Variants in AKAP8 observed in about 807,000 individuals in gnomAD.
AKAP8 encodes the protein A-kinase anchoring protein 8.
AKAP8 carries 24 observed loss-of-function variants against 67.5 expected under a neutral mutation model. The observed-to-expected ratio is 0.36, with a 90% CI of 0.26 to 0.50. The LOEUF (loss-of-function observed/expected upper bound fraction) is 0.50. Among genes scored for constraint, AKAP8 ranks in the 20% least tolerant of loss-of-function variants. The probability of loss-of-function intolerance (pLI) is 0.97; values close to 1 mark genes in which losing one functional copy is unlikely to be tolerated. For synonymous variants in AKAP8, 400 were observed against 371.1 expected (o/e 1.08, Z -0.90); for missense variants, 971 against 955.9 (o/e 1.02, Z -0.21).
intron 7 of AKAP8, 124 bp downstream of exon 7, chr19:15,371,828 C>T (rs1432576887): frequency 9.2e-7 from 1 of 1,090,974 alleles, no homozygotes; most frequent in Non-Finnish European, 1.4e-6. Context: ...AAGTCAGGGT[C>T]CTGAATCCAC....
chr19:15,376,918 G>A (rs915269168), intron 2 of AKAP8, 58 bp downstream of exon 2: 11 of 1,580,074 alleles, frequency 7.0e-6, no homozygotes, highest in Admixed American at 3.6e-5. Context: ...GCTCTGCCAT[G>A]CTAGGGCCTT....
Position 15,368,340 on chromosome 19 carries a change from C to G in AKAP8, c.1073-18G>C. 1 of 1,613,266 alleles carries G rather than the reference C, an allele frequency of 6.2e-7. No individual in the cohort carries two copies. The highest frequency in any genetic ancestry group is 1.3e-5 in the African/African-American group (1 of 75,050). ...CTTCTCTCCTGTAACAGACAAGTCC[C>G]TTCGAGACGCTCTGAGTGGCCTGCA... On this transcript the variant is annotated intron_variant, in intron 8 of 13. Transcript: ENST00000269701.
In AKAP8 at chr19:15,360,908, A is replaced by G. The variant is rs1475427660; in HGVS notation, c.1467T>C (p.Pro489=). The stretch of plus-strand genomic sequence containing the variant: ...GCCGCTGGAGGAGCTGCGGCTGTGC[A>G]GGAATTAGCATGTCGCAGGCCAGGC... ...AHCLACDMLI[P]AQPQLLQRHL... The change falls in exon 12 of 14, where the codon CCT becomes CCC. Residue 489 remains proline (P), a synonymous_variant. Transcript: ENST00000269701. 4 of 1,613,636 alleles carry G rather than the reference A, an allele frequency of 2.5e-6. No homozygotes were observed. In the Admixed American group the frequency reaches 6.7e-5, roughly 27 times the overall value.
chr19:15,371,379 C>T (rs1967154937), intron 7 of AKAP8, among the ~76,000 whole-genome samples: 9 of 152,216 alleles, frequency 5.9e-5, no homozygotes, highest in Admixed American at 5.9e-4. Flanking sequence ...AATGAGCCTC[C>T]AGCCTGTGCT....
chr19:15,376,823 T>C (rs1475220744), intron 2 of AKAP8, among the ~76,000 whole-genome samples, 153 bp downstream of exon 2: 1 of 152,168 alleles, frequency 6.6e-6, no homozygotes. Context: ...GTGGAGCCCA[T>C]AAAGCCACAA....
At chr19:15,367,343 C>A (rs1967087258) in intron 9 of AKAP8, among the ~76,000 whole-genome samples, 1 of 152,154 alleles carries the variant, frequency 6.6e-6, no homozygotes, top group Non-Finnish European at 1.5e-5. Flanking sequence ...GCCTTGCCAA[C>A]ACGGTGAATC....
intron 8 of AKAP8, 134 bp downstream of exon 8, chr19:15,370,012 G>T: frequency 1.9e-6 from 2 of 1,046,368 alleles, no homozygotes; most frequent in Non-Finnish European, 2.9e-6. Flanking sequence ...AGGCCCATCT[G>T]GTGGCTGCAG....
rs200725356 is a variant in AKAP8 at position 15,362,267 on chromosome 19, A to G, written c.1161-16T>C. Reference sequence around the variant, plus strand: ...AAACTGAATTCTGTAGAAGGAAAACAAGGAGGGGAGTGAAGCAGGGAGCAT... The same window carrying G: ...AAACTGAATTCTGTAGAAGGAAAACGAGGAGGGGAGTGAAGCAGGGAGCAT... On this transcript the variant is annotated splice_polypyrimidine_tract_variant and intron_variant, in intron 9 of 13. Transcript: ENST00000269701. 17 of 1,613,716 alleles carry G rather than the reference A, an allele frequency of 1.1e-5. No homozygotes were observed. Among genetic ancestry groups the G allele is most frequent in the African/African-American group, 1.3e-5 (1 of 74,906 alleles).
intron 7 of AKAP8, among the ~76,000 whole-genome samples, chr19:15,370,657 A>C (rs1192607188): frequency 2.1e-5 from 2 of 93,262 alleles, no homozygotes; most frequent in African/African-American, 8.6e-5. Flanking sequence ...TTTGAGACGG[A>C]GTCTCGCCCT....
chr19:15,371,714 C>G (rs1196415506), intron 7 of AKAP8, among the ~76,000 whole-genome samples: 5 of 152,048 alleles, frequency 3.3e-5, no homozygotes, highest in Non-Finnish European at 7.4e-5. Context: ...GTCTCCAACT[C>G]TCGACCTCAA....
At chr19:15,372,137 C>A (rs937209924) in intron 6 of AKAP8, 81 bp downstream of exon 6, 6 of 1,608,664 alleles carry the variant, frequency 3.7e-6, no homozygotes, top group Non-Finnish European at 5.1e-6. Context: ...GTGTCCACGA[C>A]ACAGATGGGG....
rs1171532363 is a variant in AKAP8 at position 15,373,921 on chromosome 19, G to C, written c.236C>G (p.Ser79Cys). 5 of 1,613,772 alleles carry C rather than the reference G, an allele frequency of 3.1e-6. No individual in the cohort carries two copies. The highest frequency in any genetic ancestry group is 4.2e-6 in the Non-Finnish European group (5 of 1,179,968). Reference protein sequence around the residue: ...AAGAPAMHMASYGPEPCTDNS... With the variant: ...AAGAPAMHMACYGPEPCTDNS... Reference sequence around the variant, plus strand: ...GTCGGTGCATGGCTCTGGGCCGTAAGAGGCCATGTGCATGGCAGGGGCCCC... The same window carrying C: ...GTCGGTGCATGGCTCTGGGCCGTAACAGGCCATGTGCATGGCAGGGGCCCC... The change falls in exon 4 of 14, where the codon TCT becomes TGT. Residue 79 changes from serine (S) to cysteine (C), a missense_variant. Around this residue, in one of 3 missense-constraint regions of AKAP8, gnomAD observed 763 missense variants for 745.4 expected, o/e 1.02. Transcript: ENST00000269701.
At position 15,355,410 on chromosome 19, in the gene AKAP8, G is replaced by C. The variant is rs377642478; in HGVS notation, c.1624-40C>G. 347 of 1,556,158 alleles carry C rather than the reference G, an allele frequency of 2.2e-4. 1 individual carries two copies. Among genetic ancestry groups the C allele is most frequent in the Non-Finnish European group, 1.3e-4 (153 of 1,147,788 alleles). On this transcript the variant is annotated intron_variant, in intron 13 of 13. Coordinates refer to ENST00000269701, the MANE Select transcript of AKAP8 (RefSeq NM_005858.4). ...AACACCGGTCAGCGTGGTGTAAGCA[G>C]AGCTCAGGAGGCCCATGATTGCGGG...
intron 7 of AKAP8, among the ~76,000 whole-genome samples, chr19:15,371,082 A>G (rs1245794286): frequency 6.6e-6 from 1 of 152,208 alleles, no homozygotes; most frequent in East Asian, 1.9e-4. Context: ...CCAGCAAAAT[A>G]GGGATCAAGT....
intron 9 of AKAP8, among the ~76,000 whole-genome samples, chr19:15,364,284 C>T (rs1967034580): frequency 6.6e-6 from 1 of 151,022 alleles, no homozygotes; most frequent in Admixed American, 6.6e-5. Flanking sequence ...GCCTCAGCCT[C>T]CCGAGTAGCT....
At chr19:15,374,449 C>A (rs561966099) in intron 3 of AKAP8, among the ~76,000 whole-genome samples, 154 bp downstream of exon 3, 1 of 152,260 alleles carries the variant, frequency 6.6e-6, no homozygotes, top group Admixed American at 6.5e-5. Flanking sequence ...CCTCTGCAGT[C>A]CCCCCATATA....
chr19:15,358,238 C>A (rs1295978842), intron 13 of AKAP8, among the ~76,000 whole-genome samples: 1 of 152,182 alleles, frequency 6.6e-6, no homozygotes, highest in African/African-American at 2.4e-5. Flanking sequence ...CGATATGCTG[C>A]TCCCATCATG....
At chr19:15,379,552 C>T (rs866563240) in intron 1 of AKAP8, 161 bp downstream of exon 1, 7 of 724,678 alleles carry the variant, frequency 9.7e-6, no homozygotes, top group African/African-American at 3.8e-5. Context: ...GGCGCCAAAG[C>T]CCAATGAGCG....
At position 15,369,738 on chromosome 19, in the gene AKAP8, G is replaced by A. The variant is rs763338141; in HGVS notation, c.1072+408C>T. Among the ~76,000 whole-genome samples the A allele has an allele frequency of 6.6e-6, 1 of 152,192 alleles. No individual in the cohort carries two copies. Among genetic ancestry groups the A allele is most frequent in the Non-Finnish European group, 1.5e-5 (1 of 68,024 alleles). On this transcript the variant is annotated intron_variant, in intron 8 of 13. Coordinates refer to ENST00000269701, the MANE Select transcript of AKAP8 (RefSeq NM_005858.4). The surrounding 1 kb of genome is among the most constrained non-coding windows in gnomAD (Gnocchi z 4.6). ...CCACAGAGGCCCACAGCACAGCCCA[G>A]GGCAGGCGACTGAAGGAACTGGACA...
Sources: allele counts gnomAD v4.1 joint callset (sites outside exome capture counted in the v4.1 genomes callset), GRCh38; gene constraint gnomAD v4.1.1; regional missense constraint gnomAD v4.1.1; non-coding constraint Gnocchi (gnomAD v3.1); transcripts MANE v1.5; gene names NCBI Gene and HGNC (gene_info 2026-07-23, HGNC 2026-07-21).